YJU2B: variants seen among roughly 807,000 people sequenced by gnomAD.
The protein encoded by YJU2B is probable splicing factor YJU2B.
Under a neutral mutation model 38.0 loss-of-function variants are expected in YJU2B, and 18 were observed. The observed-to-expected ratio is 0.47, with a 90% confidence interval of 0.33 to 0.70. YJU2B has a LOEUF of 0.70. YJU2B is among the 30% of genes least tolerant of loss of function. YJU2B has a pLI of 0.02. For synonymous variants in YJU2B, 246 were observed against 225.4 expected (o/e 1.09, Z -0.82); for missense variants, 538 against 556.3 (o/e 0.97, Z 0.33).
intron 5 of YJU2B, 125 bp from the exon 6 acceptor site, chr19:13,757,661 G>T: frequency 8.7e-7 from 1 of 1,150,278 alleles, no homozygotes; most frequent in East Asian, 2.3e-5. Flanking sequence ...TTCCAATCCC[G>T]TCTCTAACTC....
chr19:13,751,963 C>A, intron 2 of YJU2B, 152 bp downstream of exon 2: 2 of 719,196 alleles, frequency 2.8e-6, no homozygotes, highest in Admixed American at 2.5e-5. Flanking sequence ...TGTGGCTTTG[C>A]GCTAACATCA....
chr19:13,746,459 G>A (rs1973253216), upstream of YJU2B, among the ~76,000 whole-genome samples: 3 of 152,136 alleles, frequency 2.0e-5, no homozygotes, highest in Non-Finnish European at 2.9e-5. Flanking sequence ...GAATGGGCCC[G>A]GCTGTTTGTA....
At chr19:13,736,288 T>G (rs1972945964) in intron 2 of YJU2B, among the ~76,000 whole-genome samples, 1 of 140,700 alleles carries the variant, frequency 7.1e-6, no homozygotes, top group East Asian at 2.1e-4. Context: ...TGACGGAGTT[T>G]GACTCTGTCG....
At chr19:13,735,292 A>C (rs1972914970) in intron 2 of YJU2B, among the ~76,000 whole-genome samples, 1 of 152,086 alleles carries the variant, frequency 6.6e-6, no homozygotes, top group Non-Finnish European at 1.5e-5. Context: ...TCCAGCCTGG[A>C]AGACAGAGCG....
intron 2 of YJU2B, among the ~76,000 whole-genome samples, chr19:13,752,900 A>G (rs1007621456): frequency 1.3e-5 from 2 of 150,784 alleles, no homozygotes; most frequent in Non-Finnish European, 2.9e-5. Context: ...GTGACAGAGC[A>G]AGACTCTGTC....
chr19:13,740,824 C>T (rs888781903), intron 2 of YJU2B, among the ~76,000 whole-genome samples: 15 of 152,092 alleles, frequency 9.9e-5, no homozygotes, highest in African/African-American at 3.4e-4. Context: ...CGTGAGCCAC[C>T]GTGCCCGGCC....
intron 2 of YJU2B, among the ~76,000 whole-genome samples, chr19:13,752,470 G>C (rs1003574400): frequency 1.3e-5 from 2 of 151,804 alleles, no homozygotes; most frequent in African/African-American, 4.8e-5. Context: ...TAGGCTGGGC[G>C]CGGTGGCTCA....
At chr19:13,733,736 C>T (rs1211079923) in intron 2 of YJU2B, among the ~76,000 whole-genome samples, 3 of 151,958 alleles carry the variant, frequency 2.0e-5, no homozygotes, top group Non-Finnish European at 4.4e-5. Context: ...AAACAAAAAA[C>T]GAACATTAGA....
chr19:13,744,155 G>A (rs118056522), upstream of YJU2B, among the ~76,000 whole-genome samples: 373 of 151,784 alleles, frequency 2.5e-3, 3 homozygotes, highest in Middle Eastern at 0.014. Flanking sequence ...CACGCCACAG[G>A]ACTCCAGCTT....
At chr19:13,749,077 C>T (rs1417234115) in intron 1 of YJU2B, among the ~76,000 whole-genome samples, 1 of 152,196 alleles carries the variant, frequency 6.6e-6, no homozygotes, top group African/African-American at 2.4e-5. Context: ...GATCTCGGTT[C>T]ACTGCAACCT....
Position 13,762,771 on chromosome 19 carries a change from G to A in YJU2B, c.894G>A (p.Arg298=). ...ITVGDLGIVR[R]RSRDVPESPQ... ...TCGGGGACCTGGGCATCGTGCGGCG[G>A]AGGTCTCGGGACGTCCCGGAGAGCC... Residue 298 remains arginine (R), a synonymous_variant, in exon 10 of 10, where the codon CGG becomes CGA. Transcript: ENST00000221554. The A allele has an allele frequency of 6.2e-7, 1 of 1,605,346 alleles. No homozygotes were observed. The highest frequency in any genetic ancestry group is 8.5e-7 in the Non-Finnish European group (1 of 1,177,256).
chr19:13,733,865 AAGAG>A (rs1398182840), intron 2 of YJU2B, among the ~76,000 whole-genome samples: 1 of 152,102 alleles, frequency 6.6e-6, no homozygotes, highest in African/African-American at 2.4e-5. Flanking sequence ...CAAGAATTAA[AAGAG>A]AGAAATCTGT....
chr19:13,733,054 C>T (rs1474705926), intron 2 of YJU2B, among the ~76,000 whole-genome samples: 3 of 151,670 alleles, frequency 2.0e-5, no homozygotes, highest in Admixed American at 6.6e-5. Flanking sequence ...CTCAGCCTCC[C>T]GAGTAGCTGG....
intron 2 of YJU2B, among the ~76,000 whole-genome samples, chr19:13,740,662 G>A (rs573627506): frequency 5.9e-5 from 9 of 152,010 alleles, no homozygotes; most frequent in Non-Finnish European, 1.0e-4. Flanking sequence ...TCAGCCTCCC[G>A]AATAGCTGGG....
chr19:13,757,031 C>T (rs1973692476), intron 4 of YJU2B, among the ~76,000 whole-genome samples: 2 of 151,582 alleles, frequency 1.3e-5, no homozygotes, highest in East Asian at 2.0e-4. Flanking sequence ...ATCCCAGCTA[C>T]TTGGGAGGCT....
At chr19:13,734,065 C>G (rs951530302) in intron 2 of YJU2B, among the ~76,000 whole-genome samples, 1 of 151,844 alleles carries the variant, frequency 6.6e-6, no homozygotes, top group Non-Finnish European at 1.5e-5. Context: ...GTAGCTGGGA[C>G]TATAGGCATG....
intron 2 of YJU2B, among the ~76,000 whole-genome samples, chr19:13,736,511 C>T (rs1018144270): frequency 6.6e-6 from 1 of 151,724 alleles, no homozygotes; most frequent in East Asian, 2.0e-4. Flanking sequence ...CCACCTGCCT[C>T]GGCCTCCCAA....
At chr19:13,754,764 T>A (rs112786251) in intron 3 of YJU2B, among the ~76,000 whole-genome samples, 53 of 152,272 alleles carry the variant, frequency 3.5e-4, no homozygotes, top group Middle Eastern at 3.4e-3. Context: ...GTTGCATTGC[T>A]GAGCACTTTA....
At chr19:13,751,956 G>A in intron 2 of YJU2B, 145 bp downstream of exon 2, 1 of 762,074 alleles carries the variant, frequency 1.3e-6, no homozygotes, top group Admixed American at 2.3e-5. Flanking sequence ...TCTGAAATGT[G>A]GCTTTGCGCT....
Sources: allele counts gnomAD v4.1 joint callset (sites outside exome capture counted in the v4.1 genomes callset), GRCh38; gene constraint gnomAD v4.1.1; transcripts MANE v1.5; gene names NCBI Gene and HGNC (gene_info 2026-07-23, HGNC 2026-07-21).